The following CNTN4 variants were observed in gnomAD, a reference collection of about 807,000 sequenced individuals.
The protein encoded by CNTN4 is contactin-4.
Under a neutral mutation model 122.5 loss-of-function variants are expected in CNTN4, and 77 were observed. The observed-to-expected ratio is 0.63, with a 90% confidence interval of 0.52 to 0.76. CNTN4 has a LOEUF of 0.76. Ranked by LOEUF, CNTN4 falls within the 30% of genes least tolerant of loss-of-function variation. The pLI, the probability that CNTN4 is intolerant of heterozygous loss-of-function variation, is 0.00. For synonymous variants in CNTN4, 512 were observed against 447.0 expected (o/e 1.15, Z -1.83); for missense variants, 1,256 against 1,259.1 (o/e 1.00, Z 0.04).
chr3:2,288,380 C>T (rs1242368382), intron 2 of CNTN4, among the ~76,000 whole-genome samples: 1 of 152,040 alleles, frequency 6.6e-6, no homozygotes, highest in African/African-American at 2.4e-5. Context: ...GGGGAGGTGG[C>T]AGGCTCTTTT....
chr3:2,498,637 C>T (rs562439117), intron 3 of CNTN4, among the ~76,000 whole-genome samples: 4 of 152,094 alleles, frequency 2.6e-5, no homozygotes, highest in East Asian at 3.9e-4. Context: ...CATGCCACCA[C>T]GCCCAGCTAA....
chr3:2,769,663 C>T (rs1488995451), intron 6 of CNTN4, among the ~76,000 whole-genome samples: 32 of 152,118 alleles, frequency 2.1e-4, no homozygotes, highest in Non-Finnish European at 1.5e-5. Context: ...TGGTTTCACA[C>T]ACATCTCATA....
At chr3:2,776,609 A>T (rs1207438985) in intron 6 of CNTN4, among the ~76,000 whole-genome samples, 1 of 152,146 alleles carries the variant, frequency 6.6e-6, no homozygotes, top group East Asian at 1.9e-4. Context: ...TCTTGGTAGA[A>T]TTGGTAGACT....
At chr3:2,739,016 C>A (rs2089303650) in intron 5 of CNTN4, among the ~76,000 whole-genome samples, 1 of 151,940 alleles carries the variant, frequency 6.6e-6, no homozygotes, top group Non-Finnish European at 1.5e-5. Context: ...GGATTCATAT[C>A]CAGACTATTT....
chr3:2,800,123 C>T (rs1335735936), intron 6 of CNTN4, among the ~76,000 whole-genome samples: 1 of 134,330 alleles, frequency 7.4e-6, no homozygotes, highest in African/African-American at 2.7e-5. Flanking sequence ...TATTCAGGTT[C>T]CACAGGTTGC....
At chr3:2,606,521 T>C (rs940843227) in intron 4 of CNTN4, among the ~76,000 whole-genome samples, 4 of 152,230 alleles carry the variant, frequency 2.6e-5, no homozygotes, top group African/African-American at 7.2e-5. Context: ...TCACAGTGAC[T>C]GATGGGCGGA....
At chr3:2,391,200 T>C (rs927435467) in intron 3 of CNTN4, among the ~76,000 whole-genome samples, 2 of 152,144 alleles carry the variant, frequency 1.3e-5, no homozygotes, top group African/African-American at 2.4e-5. Flanking sequence ...TATCTTCAAA[T>C]ATAATAACCA....
chr3:2,518,855 A>G (rs1020393822), intron 3 of CNTN4, among the ~76,000 whole-genome samples: 2 of 152,142 alleles, frequency 1.3e-5, no homozygotes, highest in East Asian at 3.9e-4. Context: ...AATAGAAGAA[A>G]ATCATACAGA....
chr3:2,930,491 A>G (rs895523408), intron 13 of CNTN4, among the ~76,000 whole-genome samples: 1 of 152,228 alleles, frequency 6.6e-6, no homozygotes, highest in Non-Finnish European at 1.5e-5. Context: ...CTTTTCACCG[A>G]AGCCAAATAA....
At position 2,900,788 on chromosome 3, in the gene CNTN4, G is replaced by C. The variant is rs753850395; in HGVS notation, c.1044G>C (p.Lys348Asn). The stretch of plus-strand genomic sequence containing the variant: ...ATGGAAGGCCTAAGCCTACATACAA[G>C]TGGCTAAAAAATGGCGAACCTCTGC... The part of the protein sequence containing the change: ...KANGRPKPTY[K>N]WLKNGEPLLT... Residue 348 changes from lysine to asparagine, a missense_variant, in exon 11 of 25, where the codon AAG (lysine) becomes AAC (asparagine). By Grantham distance (94) the Lys-to-Asn change is moderately conservative. Coordinates refer to ENST00000418658, the MANE Select transcript of CNTN4 (RefSeq NM_175607.3). 4 of 1,613,960 alleles carry C rather than the reference G, an allele frequency of 2.5e-6. No homozygotes were observed. The highest frequency in any genetic ancestry group is 1.7e-5 in the Admixed American group (1 of 60,030).
chr3:2,379,453 G>C (rs1374027724), intron 3 of CNTN4, among the ~76,000 whole-genome samples: 2 of 152,014 alleles, frequency 1.3e-5, no homozygotes, highest in Non-Finnish European at 2.9e-5. Flanking sequence ...TATTAATTGA[G>C]GTGGTTGACC....
intron 4 of CNTN4, among the ~76,000 whole-genome samples, chr3:2,617,079 G>T (rs1039096877): frequency 6.6e-6 from 1 of 152,116 alleles, no homozygotes; most frequent in Non-Finnish European, 1.5e-5. Flanking sequence ...ACACGGGCAC[G>T]GGCAAAGACT....
chr3:2,388,083 T>C (rs1393484), intron 3 of CNTN4, among the ~76,000 whole-genome samples: 36,893 of 152,132 alleles, frequency 0.24, 4,837 homozygotes, highest in Admixed American at 0.35. Flanking sequence ...ATTAACAATA[T>C]ATGAAATTAA....
chr3:2,244,489 G>A (rs925856938), intron 2 of CNTN4, among the ~76,000 whole-genome samples: 1 of 152,060 alleles, frequency 6.6e-6, no homozygotes, highest in African/African-American at 2.4e-5. Flanking sequence ...TTAGGTTTCA[G>A]AAGATAAGTA....
chr3:2,348,480 G>A (rs535797593), intron 3 of CNTN4, among the ~76,000 whole-genome samples: 8 of 152,204 alleles, frequency 5.3e-5, no homozygotes, highest in African/African-American at 1.7e-4. Flanking sequence ...GGCCTATAGC[G>A]AGAACCACCC....
intron 2 of CNTN4, among the ~76,000 whole-genome samples, chr3:2,189,013 G>A (rs2149324979): frequency 6.6e-6 from 1 of 152,232 alleles, no homozygotes; most frequent in East Asian, 1.9e-4. Context: ...GAGGGACTGA[G>A]GATTTTGCCC....
chr3:2,840,623 CG>C (rs1311004264), intron 7 of CNTN4, among the ~76,000 whole-genome samples: 1 of 130,418 alleles, frequency 7.7e-6, no homozygotes. Context: ...GGCGGGAACC[CG>C]GGAGGCGGAG....
At chr3:2,822,743 T>A (rs1396309830) in intron 7 of CNTN4, among the ~76,000 whole-genome samples, 1 of 152,218 alleles carries the variant, frequency 6.6e-6, no homozygotes, top group East Asian at 1.9e-4. Context: ...AGTACCTGAC[T>A]ACTTTCCCTT....
At chr3:2,944,793 G>A (rs1001678808) in intron 13 of CNTN4, among the ~76,000 whole-genome samples, 2 of 152,154 alleles carry the variant, frequency 1.3e-5, no homozygotes, top group Non-Finnish European at 2.9e-5. Flanking sequence ...GCATACAGAA[G>A]GTTTATAGGG....
Sources: allele counts gnomAD v4.1 joint callset (sites outside exome capture counted in the v4.1 genomes callset), GRCh38; gene constraint gnomAD v4.1.1; transcripts MANE v1.5; gene names NCBI Gene and HGNC (gene_info 2026-07-23, HGNC 2026-07-21).